The following MYOM2 variants were observed in gnomAD, a reference collection of about 807,000 sequenced individuals.
MYOM2 encodes myomesin-2.
Under a neutral mutation model 187.6 loss-of-function variants are expected in MYOM2, and 254 were observed. The ratio of observed to expected loss-of-function variants is 1.35; its 90% CI spans 1.22 to 1.50. The LOEUF (loss-of-function observed/expected upper bound fraction) is 1.50, where lower values mean the gene tolerates loss of function less well. Among genes scored for constraint, MYOM2 ranks in the 40% most tolerant of loss-of-function variants. The pLI is 0.00. For missense variants in MYOM2, 2,796 were observed against 1,924.0 expected (o/e 1.45, Z -8.48); for synonymous variants, 981 against 753.8 (o/e 1.30, Z -4.94).
intron 13 of MYOM2, chr8:2,085,034 TC>T (rs1819761205): frequency 2.0e-6 from 1 of 494,190 alleles, no homozygotes; most frequent in Non-Finnish European, 3.5e-6. Flanking sequence ...GAGATTCCTT[TC>T]CTATGAACAG....
In MYOM2 at chr8:2,098,918, G is replaced by A; in HGVS notation, c.2375G>A (p.Gly792Asp). ...EFKIAAVNLA[G>D]IGEPSDPSEH... ...AAAATCGCCGCCGTCAACCTGGCCGGCATCGGGGAGCCCTCAGATCCCAGT... is the reference window on the plus strand; with the variant it reads ...AAAATCGCCGCCGTCAACCTGGCCGACATCGGGGAGCCCTCAGATCCCAGT... Residue 792 changes from glycine (G) to aspartate (D), a missense_variant, in exon 19 of 37, where the codon GGC becomes GAC. By Grantham distance (94) the Gly-to-Asp change is moderately conservative (BLOSUM62 -1). Transcript: ENST00000262113. 1.2e-6 allele frequency: 2 copies of A among 1,613,200 alleles called. No homozygotes were observed. The highest frequency in any genetic ancestry group is 1.1e-5 in the South Asian group (1 of 90,742).
intron 24 of MYOM2, 151 bp from the exon 25 acceptor site, chr8:2,109,244 T>G (rs1796988714): frequency 3.2e-6 from 3 of 943,868 alleles, no homozygotes; most frequent in Non-Finnish European, 4.5e-6. Context: ...CAAGTTTTAT[T>G]TTATATTTTT....
intron 9 of MYOM2, 147 bp from the exon 10 acceptor site, chr8:2,073,192 G>A (rs1418935545): frequency 2.4e-6 from 2 of 834,996 alleles, no homozygotes; most frequent in Non-Finnish European, 3.7e-6. Flanking sequence ...TGCAGCTGTT[G>A]GGATTTTACC....
At chr8:2,079,282 C>T (rs796512257) in intron 12 of MYOM2, among the ~76,000 whole-genome samples, 40 of 152,120 alleles carry the variant, frequency 2.6e-4, no homozygotes, top group African/African-American at 9.4e-4. Context: ...TTTAATTTTG[C>T]ATGACACAGA....
intron 1 of MYOM2, among the ~76,000 whole-genome samples, chr8:2,047,027 A>G (rs971892677): frequency 5.9e-5 from 9 of 152,200 alleles, no homozygotes; most frequent in Admixed American, 1.3e-4. Context: ...CAAGTATCCA[A>G]TTTCTGGATT....
chr8:2,087,551 C>T (rs2116717881), intron 14 of MYOM2, among the ~76,000 whole-genome samples: 1 of 152,308 alleles, frequency 6.6e-6, no homozygotes, highest in Middle Eastern at 3.4e-3. Flanking sequence ...AAGGTATTTT[C>T]TCAGGCCCCT....
rs555869849 is a variant in MYOM2 at position 2,085,617 on chromosome 8, GCCCCC to G, written c.1644+229_1644+233del. ...GCCCCACTGTCGTGATCTCTGCGTG[GCCCCC>G]CACAGTCGTGATCTCTTTGTGGCCC... On this transcript the variant is annotated intron_variant, in intron 14 of 36. Coordinates refer to ENST00000262113, the MANE Select transcript of MYOM2 (RefSeq NM_003970.4). Among the ~76,000 whole-genome samples, 5 of 5,970 alleles carry G rather than the reference GCCCCC, an allele frequency of 8.4e-4. 1 individual carries two copies. The highest frequency in any genetic ancestry group is 7.1e-3 in the African/African-American group (4 of 560). The allele number at this position is 5,970 out of a possible 152,430, so 3.9% of individuals were successfully genotyped here. A position where few individuals can be genotyped will look rare whatever the true frequency, so the allele number is the denominator to read the frequency against.
At chr8:2,142,725 C>A (rs1223158673) in intron 35 of MYOM2, among the ~76,000 whole-genome samples, 1 of 962 alleles carries the variant, frequency 1.0e-3, no homozygotes, top group Non-Finnish European at 4.7e-3. Context: ...TCCCTCCCTC[C>A]CTCCCTTCCT....
intron 32 of MYOM2, among the ~76,000 whole-genome samples, chr8:2,134,253 T>C (rs527479189): frequency 6.6e-6 from 1 of 152,080 alleles, no homozygotes; most frequent in African/African-American, 2.4e-5. Context: ...CTTCAGGCTC[T>C]CCTCGTCTCT....
chr8:2,139,543 G>A lies in MYOM2; in HGVS notation c.3801-1180G>A, dbSNP rs1033234763. On this transcript the variant is annotated intron_variant, in intron 32 of 36. Transcript: ENST00000262113. ...GGAGGGCTGGAGAATTCCCTTTCCC[G>A]ATGGAACATAGGCATTCTTGGTTGC... Among the ~76,000 whole-genome samples the A allele has an allele frequency of 5.3e-5, 8 of 152,238 alleles. No individual in the cohort carries two copies. In the East Asian group the frequency reaches 1.2e-3, roughly 22 times the overall value.
intron 28 of MYOM2, among the ~76,000 whole-genome samples, chr8:2,122,734 T>TA (rs1797499317): frequency 6.6e-6 from 1 of 152,230 alleles, no homozygotes; most frequent in African/African-American, 2.4e-5. Context: ...GCTTAGTTTC[T>TA]AGCCAGCGAT....
At chr8:2,122,719 G>A (rs1266445179) in intron 28 of MYOM2, among the ~76,000 whole-genome samples, 3 of 152,318 alleles carry the variant, frequency 2.0e-5, no homozygotes, top group Admixed American at 6.5e-5. Context: ...TCGGAGTTCC[G>A]CAAAGCTTAG....
At chr8:2,075,074 A>G (rs933618985) in intron 10 of MYOM2, among the ~76,000 whole-genome samples, 1 of 152,208 alleles carries the variant, frequency 6.6e-6, no homozygotes, top group Non-Finnish European at 1.5e-5. Flanking sequence ...ATTAGATCAG[A>G]GCTTAAAGGA....
intron 10 of MYOM2, among the ~76,000 whole-genome samples, chr8:2,074,205 G>A (rs966999203): frequency 1.3e-5 from 2 of 152,118 alleles, no homozygotes; most frequent in African/African-American, 4.8e-5. Context: ...GCATGTATGT[G>A]CCTATACTTA....
chr8:2,123,192 T>C (rs1797516031), intron 28 of MYOM2, 60 bp from the exon 29 acceptor site: 1 of 1,166,280 alleles, frequency 8.6e-7, no homozygotes, highest in Non-Finnish European at 1.2e-6. Context: ...TCTAATAGAC[T>C]TTCTTTTTCT....
At chr8:2,115,248 G>A (rs561042381) in intron 25 of MYOM2, among the ~76,000 whole-genome samples, 5 of 151,636 alleles carry the variant, frequency 3.3e-5, no homozygotes, top group Non-Finnish European at 5.9e-5. Flanking sequence ...TTTTAGTGAA[G>A]TTAAAAAGTT....
chr8:2,054,116 T>C (rs1425526437), intron 3 of MYOM2, among the ~76,000 whole-genome samples: 1 of 152,272 alleles, frequency 6.6e-6, no homozygotes, highest in African/African-American at 2.4e-5. Flanking sequence ...GCAAGCATCA[T>C]CACAAGCATG....
Position 2,093,938 on chromosome 8 carries a change from G to C in MYOM2, c.2004-32G>C, listed in dbSNP as rs745853109. Reference sequence around the variant, plus strand: ...TGCAGGAGAGAAAAAGTGGAGCCTGGCAGTTCTGACCCTGATCCCTGTGTT... The same window carrying C: ...TGCAGGAGAGAAAAAGTGGAGCCTGCCAGTTCTGACCCTGATCCCTGTGTT... On this transcript the variant is annotated intron_variant, in intron 16 of 36. Transcript: ENST00000262113. The C allele has an allele frequency of 5.6e-6, 9 of 1,606,254 alleles. No homozygotes were observed. In the South Asian group the frequency reaches 1.0e-4, roughly 18 times the overall value.
intron 1 of MYOM2, among the ~76,000 whole-genome samples, chr8:2,049,077 T>C (rs111414992): frequency 0.02 from 2,987 of 152,282 alleles, 37 homozygotes; most frequent in Middle Eastern, 0.051. Flanking sequence ...AGGTGTGAGC[T>C]ACTGCGCCCG....
Sources: gnomAD v4.1 joint callset for allele counts (sites outside exome capture counted in the v4.1 genomes callset) on GRCh38, gnomAD v4.1.1 for gene constraint, MANE v1.5 for transcripts, NCBI Gene and HGNC (gene_info 2026-07-23, HGNC 2026-07-21) for gene names.